SPTLC3: variants seen among roughly 807,000 people sequenced by gnomAD.
The protein encoded by SPTLC3 is serine palmitoyltransferase 3.
A neutral mutation model predicts 59.3 loss-of-function variants in SPTLC3; 36 were observed. The observed-to-expected ratio is 0.61, with a 90% CI of 0.47 to 0.80. SPTLC3 has a LOEUF of 0.80. Among genes scored for constraint, SPTLC3 ranks in the 30% least tolerant of loss-of-function variants. The pLI is 0.00. For missense variants in SPTLC3, 625 were observed against 685.1 expected (o/e 0.91, Z 0.98); for synonymous variants, 257 against 240.8 (o/e 1.07, Z -0.62).
intron 6 of SPTLC3, among the ~76,000 whole-genome samples, chr20:13,099,931 C>G (rs1989546081): frequency 6.6e-6 from 1 of 152,204 alleles, no homozygotes; most frequent in Non-Finnish European, 1.5e-5. Context: ...GAATGGCCAC[C>G]TGCACCAGAG....
chr20:13,043,774 C>T (rs1237761186), intron 1 of SPTLC3, among the ~76,000 whole-genome samples: 1 of 152,200 alleles, frequency 6.6e-6, no homozygotes, highest in African/African-American at 2.4e-5. Context: ...TCACCACCTT[C>T]TCTCTGTCCT....
chr20:13,145,223 T>C (rs1348146791), intron 9 of SPTLC3, among the ~76,000 whole-genome samples: 1 of 152,146 alleles, frequency 6.6e-6, no homozygotes, highest in Non-Finnish European at 1.5e-5. Flanking sequence ...AACATGATTA[T>C]ATATATCTAG....
chr20:13,083,725 C>A (rs1016250694), intron 4 of SPTLC3, among the ~76,000 whole-genome samples: 5 of 152,148 alleles, frequency 3.3e-5, no homozygotes, highest in African/African-American at 1.2e-4. Flanking sequence ...AATTCCCAAC[C>A]TGGATTTCTA....
chr20:13,158,633 G>A (rs1408024152), intron 10 of SPTLC3, among the ~76,000 whole-genome samples: 2 of 152,134 alleles, frequency 1.3e-5, no homozygotes, highest in Admixed American at 6.5e-5. Context: ...AGAAAGAACA[G>A]CCTCTGTTTT....
At chr20:13,060,970 C>T (rs1009610096) in intron 2 of SPTLC3, among the ~76,000 whole-genome samples, 1 of 152,076 alleles carries the variant, frequency 6.6e-6, no homozygotes, top group Admixed American at 6.6e-5. Flanking sequence ...TGAGTAAATA[C>T]CCAGTAGTGG....
chr20:13,018,212 A>C (rs2122376217), intron 1 of SPTLC3, among the ~76,000 whole-genome samples: 1 of 152,332 alleles, frequency 6.6e-6, no homozygotes, highest in South Asian at 2.1e-4. Context: ...GTGGCTTATT[A>C]AGCAGCAATA....
chr20:13,131,291 T>C (rs2038115040), intron 9 of SPTLC3, among the ~76,000 whole-genome samples: 1 of 152,206 alleles, frequency 6.6e-6, no homozygotes, highest in Admixed American at 6.5e-5. Context: ...TCAGAGAAGA[T>C]AGAGTTTGTA....
At position 13,165,007 on chromosome 20, in the gene SPTLC3, G is replaced by A. The variant is rs547182291; in HGVS notation, c.*140G>A. On this transcript the variant is annotated 3_prime_UTR_variant, in exon 12 of 12. Coordinates refer to ENST00000399002, the MANE Select transcript of SPTLC3 (RefSeq NM_018327.4). ...CCAGCTTGATTGAACTGAGGGAGAC[G>A]TTGTTGTTTTTAATGTCTCCAGCTT... 3.5e-4 allele frequency: 223 copies of A among 628,984 alleles called. No homozygotes were observed. The highest frequency in any genetic ancestry group is 5.5e-4 in the Non-Finnish European group (202 of 369,174). 39.0% of individuals were successfully genotyped at this position (628,984 alleles called of 1,614,324 possible). A position where few individuals can be genotyped will look rare whatever the true frequency, so the allele number is the denominator to read the frequency against.
chr20:13,112,303 C>G (rs571258152), intron 7 of SPTLC3, among the ~76,000 whole-genome samples: 1 of 152,294 alleles, frequency 6.6e-6, no homozygotes, highest in South Asian at 2.1e-4. Flanking sequence ...CCTGGAGTGC[C>G]ATGCTCTCTT....
In SPTLC3 at chr20:13,020,360, G is replaced by GAAAAA. The variant is rs1555786652; in HGVS notation, c.117+10980_117+10984dup. On this transcript the variant is annotated intron_variant, in intron 1 of 11. Transcript: ENST00000399002. ...GACCCCATTTCTTAAAAAAAAAAAA[G>GAAAAA]AAAAAAAAGAAAATTAATTAGCTGG... Among the ~76,000 whole-genome samples, 25 of 146,166 alleles carry GAAAAA rather than the reference G, an allele frequency of 1.7e-4. No individual in the cohort carries two copies. In the East Asian group the frequency reaches 4.4e-3, roughly 26 times the overall value.
intron 3 of SPTLC3, chr20:13,073,902 C>T: frequency 1.8e-6 from 1 of 554,328 alleles, no homozygotes; most frequent in Admixed American, 2.1e-5. Context: ...TTTGTTGGTT[C>T]CCAGAGATGC....
rs147312694 is a variant in SPTLC3 at position 13,149,239 on chromosome 20, T to C, written c.1280-4764T>C. Among the ~76,000 whole-genome samples, 782 of 152,344 alleles carry C rather than the reference T, an allele frequency of 5.1e-3. 4 individuals carry two copies. The highest frequency in any genetic ancestry group is 0.018 in the African/African-American group (729 of 41,580). ...GAAGAAAGATCAGAAACTACTTAAT[T>C]GGAGACTCTGAGTGTCTTGAAGGGG... is the stretch of plus-strand genomic sequence containing the variant. On this transcript the variant is annotated intron_variant, in intron 9 of 11. Coordinates refer to ENST00000399002, the MANE Select transcript of SPTLC3 (RefSeq NM_018327.4).
chr20:13,070,890 A>G (rs1297034273), intron 2 of SPTLC3, among the ~76,000 whole-genome samples: 1 of 152,054 alleles, frequency 6.6e-6, no homozygotes, highest in Non-Finnish European at 1.5e-5. Flanking sequence ...TGCACTCCAC[A>G]TTCCCAGCAT....
At chr20:13,075,292 C>T (rs1988605057) in intron 4 of SPTLC3, among the ~76,000 whole-genome samples, 1 of 152,188 alleles carries the variant, frequency 6.6e-6, no homozygotes, top group Admixed American at 6.5e-5. Flanking sequence ...TACAGCCCTT[C>T]TCCCTCCTAG....
At chr20:13,059,133 A>T (rs1292076355) in intron 2 of SPTLC3, among the ~76,000 whole-genome samples, 1 of 152,222 alleles carries the variant, frequency 6.6e-6, no homozygotes, top group African/African-American at 2.4e-5. Context: ...TTAACAAAAC[A>T]TAGTTGTTTA....
chr20:13,078,603 ATAAT>A (rs1264422834), intron 4 of SPTLC3, among the ~76,000 whole-genome samples: 6 of 152,354 alleles, frequency 3.9e-5, no homozygotes, highest in South Asian at 2.1e-4. Context: ...ACTAAACAAT[ATAAT>A]TAATTATTCA....
intron 8 of SPTLC3, among the ~76,000 whole-genome samples, chr20:13,122,671 A>G (rs886707387): frequency 3.9e-5 from 6 of 152,240 alleles, no homozygotes; most frequent in Non-Finnish European, 7.3e-5. Context: ...AATGCATACA[A>G]AGTTCTTAAA....
At chr20:13,104,522 T>G (rs113150056) in intron 6 of SPTLC3, among the ~76,000 whole-genome samples, 4,262 of 152,258 alleles carry the variant, frequency 0.028, 176 homozygotes, top group African/African-American at 0.097. Flanking sequence ...TAAACCTCAT[T>G]TTCTTTATAA....
chr20:13,081,023 A>T (rs1451242890), intron 4 of SPTLC3, among the ~76,000 whole-genome samples: 7 of 152,168 alleles, frequency 4.6e-5, no homozygotes. Flanking sequence ...AGTTGCTTAA[A>T]CTCAAATCCT....
Sources: allele counts gnomAD v4.1 joint callset (sites outside exome capture counted in the v4.1 genomes callset), GRCh38; gene constraint gnomAD v4.1.1; transcripts MANE v1.5; gene names NCBI Gene and HGNC (gene_info 2026-07-23, HGNC 2026-07-21).